Variants in ABL1 observed in about 807,000 individuals in gnomAD.
ABL1 encodes the protein tyrosine-protein kinase ABL1.
In ABL1, 11 loss-of-function variants were observed where a neutral mutation model predicts 94.7. That is an observed-to-expected ratio of 0.12 (90% CI 0.07 to 0.19). The LOEUF (loss-of-function observed/expected upper bound fraction) is 0.19. Ranked by LOEUF, ABL1 falls within the 10% of genes least tolerant of loss-of-function variation. ABL1 has a pLI of 1.00. For synonymous variants in ABL1, 656 were observed against 622.4 expected (o/e 1.05, Z -0.80); for missense variants, 1,082 against 1,489.4 (o/e 0.73, Z 4.50).
At position 130,872,074 on chromosome 9, in the gene ABL1, C is replaced by A. The variant is rs1478279018; in HGVS notation, c.823-55C>A. 2 of 1,521,074 alleles carry A rather than the reference C, an allele frequency of 1.3e-6. No individual in the cohort carries two copies. Among genetic ancestry groups the A allele is most frequent in the Admixed American group, 1.7e-5 (1 of 58,908 alleles). 94.2% of individuals were successfully genotyped at this position (1,521,074 alleles called of 1,614,324 possible). On this transcript the variant is annotated intron_variant, in intron 4 of 10. Coordinates refer to ENST00000318560, the MANE Select transcript of ABL1 (RefSeq NM_005157.6). This position sits in a 1 kb window ranked among gnomAD's most constrained non-coding sequence, Gnocchi z 5.0. ...TTTGCATTAACTAGTCAAGTACTTA[C>A]CCACTGAAAAGCACTTCCTGAAATA...
chr9:130,804,947 T>C (rs894131644), intron 1 of ABL1, among the ~76,000 whole-genome samples: 1 of 152,236 alleles, frequency 6.6e-6, no homozygotes, highest in Non-Finnish European at 1.5e-5. Flanking sequence ...TTAAACAAAG[T>C]TATTGACTTG....
intron 1 of ABL1, among the ~76,000 whole-genome samples, chr9:130,817,355 A>T (rs1430750223): frequency 6.6e-6 from 1 of 152,240 alleles, no homozygotes; most frequent in Admixed American, 6.5e-5. Flanking sequence ...TGGCATGCTT[A>T]TACTGGTCCA....
At chr9:130,844,968 C>A (rs1366286858) in intron 1 of ABL1, among the ~76,000 whole-genome samples, 2 of 152,092 alleles carry the variant, frequency 1.3e-5, no homozygotes, top group Non-Finnish European at 2.9e-5. Flanking sequence ...ACATGGAGCC[C>A]TTGAATTCTA....
intron 1 of ABL1, among the ~76,000 whole-genome samples, chr9:130,755,683 C>G (rs1832033380): frequency 6.6e-6 from 1 of 152,214 alleles, no homozygotes; most frequent in East Asian, 1.9e-4. Context: ...CAATTCCCCT[C>G]TGTTTTCCAT....
Position 130,735,115 on chromosome 9 carries a change from C to T in ABL1, c.136+20660C>T, listed in dbSNP as rs573935656. ...CATGATCTTGGCTTACCGCAACCTC[C>T]GCCGCCTGGGTTCAAGCGATTCTCC... On this transcript the variant is annotated intron_variant, in intron 1 of 10. Coordinates refer to the ABL1 transcript ENST00000372348. Among the ~76,000 whole-genome samples, 472 of 151,974 alleles carry T rather than the reference C, an allele frequency of 3.1e-3. 2 individuals are homozygous for T. The highest frequency in any genetic ancestry group is 4.0e-3 in the African/African-American group (167 of 41,440).
intron 4 of ABL1, among the ~76,000 whole-genome samples, chr9:130,867,954 TTTTG>T (rs1278184829): frequency 1.3e-5 from 2 of 150,706 alleles, no homozygotes. Context: ...TTTTTTTGCT[TTTTG>T]TTTTTGTTTT....
chr9:130,801,434 GC>G (rs1179120102), intron 1 of ABL1, among the ~76,000 whole-genome samples: 1 of 151,648 alleles, frequency 6.6e-6, no homozygotes, highest in Non-Finnish European at 1.5e-5. Flanking sequence ...CACCATGTTG[GC>G]CAGGATGGTC....
intron 7 of ABL1, 28 bp from the exon 8 acceptor site, chr9:130,878,387 C>A (rs1186532962): frequency 5.0e-6 from 8 of 1,611,966 alleles, no homozygotes; most frequent in Non-Finnish European, 6.8e-6. Flanking sequence ...ACATCTTGAA[C>A]AGCCTTTCTC....
chr9:130,755,800 G>T (rs1832034604), intron 1 of ABL1, among the ~76,000 whole-genome samples: 1 of 152,126 alleles, frequency 6.6e-6, no homozygotes, highest in South Asian at 2.1e-4. Flanking sequence ...GCAGTCTGCC[G>T]CTCTTCCTGG....
Position 130,874,871 on chromosome 9 carries a change from T to C in ABL1, c.1089T>C (p.Asp363=), listed in dbSNP as rs1465714867. Residue 363 remains aspartate, a synonymous_variant, in exon 7 of 11, where the codon GAT becomes GAC. Transcript: ENST00000318560. ...GGTGAACATTTTCCTTTCTTAGAGATCTTGCTGCCCGAAACTGCCTGGTAG... is the reference window on the plus strand; with the variant it reads ...GGTGAACATTTTCCTTTCTTAGAGACCTTGCTGCCCGAAACTGCCTGGTAG... The part of the protein sequence containing the change: ...YLEKKNFIHR[D]LAARNCLVGE... The C allele has an allele frequency of 6.2e-7, 1 of 1,614,014 alleles. No individual in the cohort carries two copies. Among genetic ancestry groups the C allele is most frequent in the Non-Finnish European group, 8.5e-7 (1 of 1,179,996 alleles).
chr9:130,783,845 G>A (rs532801396), intron 1 of ABL1, among the ~76,000 whole-genome samples: 18 of 152,118 alleles, frequency 1.2e-4, no homozygotes, highest in African/African-American at 4.3e-4. Context: ...TAGTAGAGAC[G>A]GGGTTTCACC....
chr9:130,725,758 AT>A (rs977527936), intron 1 of ABL1, among the ~76,000 whole-genome samples: 2 of 140,550 alleles, frequency 1.4e-5, no homozygotes, highest in African/African-American at 5.2e-5. Context: ...ATAATATCCC[AT>A]TGTGTGTGTA....
At chr9:130,835,060 G>A (rs2132910637), upstream of ABL1, 1 of 323,902 alleles carries the variant, frequency 3.1e-6, no homozygotes, top group Non-Finnish European at 6.1e-6. The surrounding 1 kb of genome is among the most constrained non-coding windows in gnomAD (Gnocchi z 4.6). Flanking sequence ...TCCGCGGGCC[G>A]CGCGCGGCCT....
rs1253014415 is a variant in ABL1, at chr9:130,884,167, G to A, written c.1877G>A (p.Gly626Asp). ...KRSSSFREMD[G>D]QPERRGAGEE... ...AGCAGCTCCTTCCGGGAGATGGACG[G>A]CCAGCCGGAGCGCAGAGGGGCCGGC... The change falls in exon 11 of 11, where the codon GGC (glycine) becomes GAC (aspartate). Residue 626 changes from glycine (G) to aspartate (D), a missense_variant. By Grantham distance (94) the Gly-to-Asp change is moderately conservative. Coordinates refer to ENST00000318560, the MANE Select transcript of ABL1 (RefSeq NM_005157.6). The surrounding 1 kb of genome is among the most constrained non-coding windows in gnomAD (Gnocchi z 5.6). 24 of 1,612,776 alleles carry A rather than the reference G, an allele frequency of 1.5e-5. No homozygotes were observed. The highest frequency in any genetic ancestry group is 2.0e-5 in the Non-Finnish European group (24 of 1,179,846).
At chr9:130,819,439 T>G (rs1341496352) in intron 1 of ABL1, among the ~76,000 whole-genome samples, 1 of 152,076 alleles carries the variant, frequency 6.6e-6, no homozygotes, top group African/African-American at 2.4e-5. Flanking sequence ...TAATGTTCGT[T>G]GAATGAAAGG....
At chr9:130,795,847 C>G (rs1829967241) in intron 1 of ABL1, among the ~76,000 whole-genome samples, 1 of 152,172 alleles carries the variant, frequency 6.6e-6, no homozygotes, top group Non-Finnish European at 1.5e-5. Flanking sequence ...TTTTCTAAAA[C>G]AAGTTTATAT....
At chr9:130,838,056 A>G (rs111335988) in intron 1 of ABL1, among the ~76,000 whole-genome samples, 1,946 of 152,356 alleles carry the variant, frequency 0.013, 40 homozygotes, top group African/African-American at 0.044. Context: ...AATGCTTACT[A>G]TGTGCCAAAT....
intron 1 of ABL1, among the ~76,000 whole-genome samples, chr9:130,781,485 T>TGGAGAAGAATTGCC (rs1829755505): frequency 6.6e-6 from 1 of 152,194 alleles, no homozygotes; most frequent in Non-Finnish European, 1.5e-5. Flanking sequence ...GGATTTTCAG[T>TGGAGAAGAATTGCC]GGAGAAGAAT....
At chr9:130,849,580 G>A (rs1177802426) in intron 1 of ABL1, among the ~76,000 whole-genome samples, 1 of 152,002 alleles carries the variant, frequency 6.6e-6, no homozygotes, top group Non-Finnish European at 1.5e-5. Flanking sequence ...GTGCAGTGCC[G>A]CGACCTTGGC....
Sources: allele counts gnomAD v4.1 joint callset (sites outside exome capture counted in the v4.1 genomes callset), GRCh38; gene constraint gnomAD v4.1.1; non-coding constraint Gnocchi (gnomAD v3.1); transcripts MANE v1.5; gene names NCBI Gene and HGNC (gene_info 2026-07-23, HGNC 2026-07-21).